Variants in INO80D observed in about 807,000 individuals in gnomAD.
INO80D encodes the protein INO80 complex subunit D.
Under a neutral mutation model 87.6 loss-of-function variants are expected in INO80D, and 21 were observed. The ratio of observed to expected loss-of-function variants is 0.24; its 90% confidence interval spans 0.17 to 0.35. The LOEUF is 0.35. Among genes scored for constraint, INO80D ranks in the 10% least tolerant of loss-of-function variants. The pLI, the probability that INO80D is intolerant of heterozygous loss-of-function variation, is 1.00. For synonymous variants in INO80D, 440 were observed against 491.0 expected (o/e 0.90, Z 1.37); for missense variants, 982 against 1,280.7 (o/e 0.77, Z 3.56).
intron 1 of INO80D, among the ~76,000 whole-genome samples, chr2:206,077,509 T>C (rs937393176): frequency 6.6e-6 from 1 of 152,202 alleles, no homozygotes. Context: ...TCCTACATTC[T>C]ATAGAGCACT....
intron 5 of INO80D, among the ~76,000 whole-genome samples, chr2:206,030,068 G>A (rs967050511): frequency 6.6e-6 from 1 of 152,140 alleles, no homozygotes; most frequent in African/African-American, 2.4e-5. Context: ...GTCTACACTT[G>A]GGAGTTCTCG....
intron 9 of INO80D, 125 bp downstream of exon 9, chr2:206,009,452 C>G (rs1454493465): frequency 5.4e-6 from 4 of 747,188 alleles, no homozygotes; most frequent in Non-Finnish European, 8.4e-6. Context: ...TTTAAAAAAT[C>G]TAGGCTGATA....
In INO80D at chr2:206,062,843, G is replaced by A. The variant is rs750466702; in HGVS notation, c.174C>T (p.Asn58=). The A allele has an allele frequency of 3.7e-6, 6 of 1,613,056 alleles. No individual in the cohort carries two copies. The highest frequency in any genetic ancestry group is 3.4e-5 in the Admixed American group (2 of 59,638). ...GGATGGGGTTGGTGCAGCGTTGGCT[G>A]TTATACTTGGCCACATATTCACATT... ...FKQCEYVAKY[N]SQRCTNPIPK... The change falls in exon 3 of 11, where the codon AAC becomes AAT. Residue 58 remains asparagine, a synonymous_variant. Transcript: ENST00000403263. This position sits in a 1 kb window ranked among gnomAD's most constrained non-coding sequence, Gnocchi z 4.6.
rs1395646072 is a variant in INO80D at position 205,999,016 on chromosome 2, T to G, written c.*5352A>C. On this transcript the variant is annotated 3_prime_UTR_variant, in exon 11 of 11. Transcript: ENST00000403263. ...TCCACTGGAGCCAACTGTACCTTAA[T>G]GATGCAGGTTGGAGTCATTTTAGGG... The G allele has an allele frequency of 6.6e-6, 1 of 152,178 alleles. No homozygotes were observed. Among genetic ancestry groups the G allele is most frequent in the African/African-American group, 2.4e-5 (1 of 41,444 alleles). The allele number at this position is 152,178 out of a possible 1,614,324, so 9.4% of individuals were successfully genotyped here.
At position 206,005,235 on chromosome 2, in the gene INO80D, A is replaced by G; in HGVS notation, c.2217T>C (p.Ala739=). 2 of 1,614,018 alleles carry G rather than the reference A, an allele frequency of 1.2e-6. No homozygotes were observed. The highest frequency in any genetic ancestry group is 1.7e-6 in the Non-Finnish European group (2 of 1,179,880). ...GGGGTGTAGGTGGGTTTGACAAGGT[A>G]GCAGAACGGAGCAGGTTCTCATCCA... ...LELDENLLRS[A]TLSNPPTPLA... The change falls in exon 11 of 11, where the codon GCT becomes GCC. Residue 739 remains alanine (A), a synonymous_variant. Coordinates refer to ENST00000403263, the MANE Select transcript of INO80D (RefSeq NM_017759.5).
At chr2:206,073,756 C>A (rs1690033696) in intron 1 of INO80D, among the ~76,000 whole-genome samples, 1 of 152,170 alleles carries the variant, frequency 6.6e-6, no homozygotes, top group South Asian at 2.1e-4. Context: ...CTCAAGCCAT[C>A]CACCAGCATC....
At position 206,000,914 on chromosome 2, in the gene INO80D, C is replaced by T. The variant is rs1383701285; in HGVS notation, c.*3454G>A. The T allele has an allele frequency of 6.6e-6, 1 of 152,222 alleles. No individual in the cohort carries two copies. The highest frequency in any genetic ancestry group is 2.4e-5 in the African/African-American group (1 of 41,456). The allele number at this position is 152,222 out of a possible 1,614,324, so 9.4% of individuals were successfully genotyped here. A position where few individuals can be genotyped will look rare whatever the true frequency, so the allele number is the denominator to read the frequency against. On this transcript the variant is annotated 3_prime_UTR_variant, in exon 11 of 11. Transcript: ENST00000403263. ...TCATAGAGGGGCACTAGACACACCA[C>T]ACTGCCTGCCAACATGAAATTGCTC...
At chr2:206,006,501 G>A (rs1027071222) in intron 10 of INO80D, among the ~76,000 whole-genome samples, 1 of 150,894 alleles carries the variant, frequency 6.6e-6, no homozygotes, top group African/African-American at 2.4e-5. Context: ...TGACCAACAT[G>A]GTGAAACCCC....
At chr2:206,027,336 TA>T (rs1048223846) in intron 6 of INO80D, among the ~76,000 whole-genome samples, 15 of 152,080 alleles carry the variant, frequency 9.9e-5, no homozygotes, top group African/African-American at 1.9e-4. Context: ...ATTTTTTTCT[TA>T]AAAAAAATTC....
intron 4 of INO80D, 83 bp from the exon 5 acceptor site, chr2:206,046,695 T>A: frequency 1.2e-6 from 1 of 804,632 alleles, no homozygotes; most frequent in South Asian, 1.4e-5. Context: ...CAAAATAACA[T>A]AACCCAACAT....
intron 1 of INO80D, among the ~76,000 whole-genome samples, chr2:206,074,807 C>T (rs1690066606): frequency 6.6e-6 from 1 of 151,800 alleles, no homozygotes; most frequent in African/African-American, 2.4e-5. Context: ...GGTGTGGTGG[C>T]ACATGCCTGT....
intron 1 of INO80D, among the ~76,000 whole-genome samples, chr2:206,071,639 T>G (rs994606091): frequency 6.6e-6 from 1 of 150,814 alleles, no homozygotes; most frequent in South Asian, 2.1e-4. Flanking sequence ...CCAGCTATAG[T>G]TGATATTTGC....
Position 206,062,297 on chromosome 2 carries a change from C to A in INO80D, c.218+502G>T, listed in dbSNP as rs1252566407. ...GATTCAAGTAGTTTTTTAAAATTTTCTTCAGTAAGTATATATCCTTTACTA... is the reference window on the plus strand; with the variant it reads ...GATTCAAGTAGTTTTTTAAAATTTTATTCAGTAAGTATATATCCTTTACTA... On this transcript the variant is annotated intron_variant, in intron 3 of 10. Coordinates refer to ENST00000403263, the MANE Select transcript of INO80D (RefSeq NM_017759.5). The surrounding 1 kb of genome is among the most constrained non-coding windows in gnomAD (Gnocchi z 4.6). Among the ~76,000 whole-genome samples, 1 of 152,102 alleles carries A rather than the reference C, an allele frequency of 6.6e-6. No homozygotes were observed. The highest frequency in any genetic ancestry group is 2.4e-5 in the African/African-American group (1 of 41,422).
At chr2:206,042,787 C>T (rs1169773697) in intron 5 of INO80D, among the ~76,000 whole-genome samples, 1 of 151,802 alleles carries the variant, frequency 6.6e-6, no homozygotes, top group African/African-American at 2.4e-5. Context: ...GAGTTTGAGA[C>T]CAGCATTGGC....
At chr2:206,063,309 C>G in intron 1 of INO80D, 65 bp from the exon 2 acceptor site, 1 of 518,702 alleles carries the variant, frequency 1.9e-6, no homozygotes, top group South Asian at 3.0e-5. Context: ...ACCCAGGAAG[C>G]AAAATACTAA....
At chr2:206,024,444 T>C (rs1688548484) in intron 6 of INO80D, among the ~76,000 whole-genome samples, 2 of 151,900 alleles carry the variant, frequency 1.3e-5, no homozygotes, top group African/African-American at 4.8e-5. Flanking sequence ...CTAGAACAGA[T>C]ACTAGATCCA....
chr2:205,996,863 T>C lies in INO80D; in HGVS notation c.*7505A>G, dbSNP rs946836004. ...CAACTGAAGGGAGAAATGGCACCAGTACAAACTCCCTTCTTTCATTTGCAT... is the reference window on the plus strand; with the variant it reads ...CAACTGAAGGGAGAAATGGCACCAGCACAAACTCCCTTCTTTCATTTGCAT... On this transcript the variant is annotated 3_prime_UTR_variant, in exon 11 of 11. Transcript: ENST00000403263. 2.7e-4 allele frequency: 41 copies of C among 152,112 alleles called. No individual in the cohort carries two copies. Among genetic ancestry groups the C allele is most frequent in the African/African-American group, 9.1e-4 (38 of 41,552 alleles). 9.4% of individuals were successfully genotyped at this position (152,112 alleles called of 1,614,324 possible).
rs1317030234 is a variant in INO80D, at chr2:205,999,388, G to A, written c.*4980C>T. 10 of 152,114 alleles carry A rather than the reference G, an allele frequency of 6.6e-5. No individual in the cohort carries two copies. The highest frequency in any genetic ancestry group is 2.1e-4 in the South Asian group (1 of 4,826). The allele number at this position is 152,114 out of a possible 1,614,324, so 9.4% of individuals were successfully genotyped here. A position where few individuals can be genotyped will look rare whatever the true frequency, so the allele number is the denominator to read the frequency against. ...TGAGAGTTAGATTTTTCTCTTATAC[G>A]AGTATTGATCTAAACTTTAGATCAC... On this transcript the variant is annotated 3_prime_UTR_variant, in exon 11 of 11. Coordinates refer to ENST00000403263, the MANE Select transcript of INO80D (RefSeq NM_017759.5).
At chr2:206,065,866 T>TATTATCAA (rs1272922492) in intron 1 of INO80D, among the ~76,000 whole-genome samples, 1 of 152,210 alleles carries the variant, frequency 6.6e-6, no homozygotes, top group Non-Finnish European at 1.5e-5. Flanking sequence ...TTAGGATGGC[T>TATTATCAA]ATTATCAAAC....
Sources: allele counts gnomAD v4.1 joint callset (sites outside exome capture counted in the v4.1 genomes callset), GRCh38; gene constraint gnomAD v4.1.1; non-coding constraint Gnocchi (gnomAD v3.1); transcripts MANE v1.5; gene names NCBI Gene and HGNC (gene_info 2026-07-23, HGNC 2026-07-21).